Variants in DMD observed in about 807,000 individuals in gnomAD.
The protein encoded by DMD is mutant dystrophin.
In DMD, 63 loss-of-function variants were observed where a neutral mutation model predicts 330.1. The ratio of observed to expected loss-of-function variants is 0.19; its 90% confidence interval spans 0.16 to 0.24. DMD has a LOEUF of 0.24. Among genes scored for constraint, DMD ranks in the 10% least tolerant of loss-of-function variants. The probability of loss-of-function intolerance (pLI) is 1.00; values close to 1 mark genes in which losing one functional copy is unlikely to be tolerated. For synonymous variants in DMD, 1,223 were observed against 959.8 expected, an observed-to-expected ratio of 1.27 and a Z score of -5.07; for missense variants, 3,344 against 2,684.1, an observed-to-expected ratio of 1.25 and a Z score of -5.43.
chrX:33,253,531 A>G (rs750877842), intron 1 of DMD, among the ~76,000 whole-genome samples: 117 of 111,782 alleles, frequency 1.0e-3, no homozygotes, highest in Non-Finnish European at 1.4e-3. Context: ...AAAAATTTCA[A>G]TGAGTGAATT....
chrX:31,744,447 G>T (rs937326415), intron 51 of DMD, among the ~76,000 whole-genome samples: 5 of 111,420 alleles, frequency 4.5e-5, no homozygotes, highest in Admixed American at 9.5e-5. Context: ...CCAATAAAAC[G>T]AGATACGCAT....
At position 33,071,642 on chromosome X, in the gene DMD, CATT is replaced by C. The variant is rs200005020; in HGVS notation, c.32-51445_32-51443del. On this transcript the variant is annotated intron_variant, in intron 1 of 78. Transcript: ENST00000357033. The stretch of plus-strand genomic sequence containing the variant: ...AGAATATATTCATTTGAAGCCCAAT[CATT>C]GTTGTGTGAGCTTCTTCATATTATC... Among the ~76,000 whole-genome samples the C allele has an allele frequency of 6.6e-3, 728 of 111,013 alleles. 7 individuals carry two copies. The highest frequency in any genetic ancestry group is 0.023 in the African/African-American group (690 of 30,477).
At chrX:32,649,062 AAAT>A (rs1244353233) in intron 9 of DMD, among the ~76,000 whole-genome samples, 2 of 110,951 alleles carry the variant, frequency 1.8e-5, no homozygotes, top group Non-Finnish European at 3.8e-5. Context: ...TACATTGGGC[AAAT>A]AATGATTACG....
intron 1 of DMD, among the ~76,000 whole-genome samples, chrX:33,329,921 T>A (rs1026457416): frequency 9.0e-6 from 1 of 111,725 alleles, no homozygotes; most frequent in Non-Finnish European, 1.9e-5. Context: ...GTAAAATGTT[T>A]TAAAAATCAA....
intron 44 of DMD, among the ~76,000 whole-genome samples, chrX:32,069,453 C>G (rs2096281265): frequency 9.0e-6 from 1 of 111,442 alleles, no homozygotes. Context: ...ATAAAATATT[C>G]TAATAGCAAT....
chrX:31,900,108 G>C (rs748686517), intron 47 of DMD, among the ~76,000 whole-genome samples: 9 of 111,552 alleles, frequency 8.1e-5, no homozygotes, highest in Non-Finnish European at 1.5e-4. Flanking sequence ...TTTAGTTTTG[G>C]GGGGAACCAC....
At chrX:31,800,271 A>G (rs929314928) in intron 50 of DMD, among the ~76,000 whole-genome samples, 2 of 112,439 alleles carry the variant, frequency 1.8e-5, no homozygotes, top group Non-Finnish European at 3.8e-5. Flanking sequence ...CTGGACACCT[A>G]GGCTTTTCCA....
At chrX:33,216,119 G>A (rs985502587), upstream of DMD, among the ~76,000 whole-genome samples, 8 of 112,154 alleles carry the variant, frequency 7.1e-5, no homozygotes, top group African/African-American at 1.9e-4. Flanking sequence ...GCTTTGGGCA[G>A]TATGGCCATT....
At chrX:31,924,723 C>T (rs1228310780) in intron 47 of DMD, among the ~76,000 whole-genome samples, 1 of 111,857 alleles carries the variant, frequency 8.9e-6, no homozygotes, top group Non-Finnish European at 1.9e-5. Flanking sequence ...ATGCACTTAA[C>T]TAAAATTCAC....
chrX:31,402,449 C>T (rs145862234), intron 60 of DMD, among the ~76,000 whole-genome samples: 1 of 111,928 alleles, frequency 8.9e-6, no homozygotes, highest in East Asian at 2.8e-4. Context: ...GGCTGCTTCA[C>T]TAACTAGTTG....
intron 52 of DMD, among the ~76,000 whole-genome samples, chrX:31,701,188 AT>A (rs1420028941): frequency 9.0e-6 from 1 of 111,674 alleles, no homozygotes; most frequent in African/African-American, 3.3e-5. Context: ...AATAAAAAGC[AT>A]TTTTTTCTCC....
chrX:32,178,940 T>TTCTCTC (rs528690053), intron 44 of DMD, among the ~76,000 whole-genome samples: 2,524 of 68,554 alleles, frequency 0.037, 65 homozygotes, highest in Middle Eastern at 0.058. Context: ...AAACCCCAGA[T>TTCTCTC]TCTCTCTCTC....
chrX:32,814,133 T>C lies in DMD; in HGVS notation c.530+2335A>G, dbSNP rs776655738. The stretch of plus-strand genomic sequence containing the variant: ...TGTGTTTCTGTTTTCCCTTTGCTCC[T>C]GATTCTAGTGTTCATTTGCTTCTAA... On this transcript the variant is annotated intron_variant, in intron 6 of 78. Transcript: ENST00000357033. Among the ~76,000 whole-genome samples the C allele has an allele frequency of 2.2e-3, 243 of 112,106 alleles. 1 individual carries two copies. Among genetic ancestry groups the C allele is most frequent in the African/African-American group, 7.5e-3 (232 of 30,922 alleles).
intron 1 of DMD, among the ~76,000 whole-genome samples, chrX:33,029,092 A>G (rs756042734): frequency 9.0e-6 from 1 of 111,561 alleles, no homozygotes; most frequent in South Asian, 3.8e-4. Context: ...TAAATCTCAG[A>G]TCTACTAAGT....
At chrX:32,114,339 T>C (rs189231496) in intron 44 of DMD, among the ~76,000 whole-genome samples, 2 of 111,644 alleles carry the variant, frequency 1.8e-5, no homozygotes, top group East Asian at 5.6e-4. Context: ...TCTCCCCTTA[T>C]CCATCCTGTG....
chrX:32,830,158 C>T (rs1293301844), intron 4 of DMD, among the ~76,000 whole-genome samples: 4 of 111,253 alleles, frequency 3.6e-5, no homozygotes, highest in African/African-American at 1.3e-4. Flanking sequence ...TCTGTTTTGG[C>T]CATGAATTCT....
At chrX:31,649,813 A>T (rs1482173135) in intron 54 of DMD, among the ~76,000 whole-genome samples, 1 of 111,291 alleles carries the variant, frequency 9.0e-6, no homozygotes, top group Admixed American at 9.6e-5. Flanking sequence ...AGGAGTTGAT[A>T]ATGGATTGAA....
chrX:31,552,122 C>T (rs911487346), intron 55 of DMD, among the ~76,000 whole-genome samples: 1 of 111,881 alleles, frequency 8.9e-6, no homozygotes, highest in Non-Finnish European at 1.9e-5. Context: ...GGAACAATTG[C>T]GCAAATGCTC....
chrX:31,445,401 T>C (rs763624677), intron 59 of DMD, among the ~76,000 whole-genome samples: 8 of 111,870 alleles, frequency 7.2e-5, no homozygotes, highest in African/African-American at 2.6e-4. Context: ...CTCTAGAATA[T>C]ATATTCTTAA....
Sources: gnomAD v4.1 joint callset for allele counts (sites outside exome capture counted in the v4.1 genomes callset) on GRCh38, gnomAD v4.1.1 for gene constraint, MANE v1.5 for transcripts, NCBI Gene and HGNC (gene_info 2026-07-23, HGNC 2026-07-21) for gene names.